The following FBXW10B variants were observed in gnomAD, a reference collection of about 807,000 sequenced individuals.
FBXW10B encodes F-box and WD repeat domain containing 10B.
At chr17:15,594,776 G>A in the FBXW10B span, 195 of 1,613,862 alleles carry the variant, frequency 1.2e-4, 3 homozygotes, top group South Asian at 1.1e-3. Flanking sequence ...ATCAGGCAGC[G>A]CTCGTACTTC....
the FBXW10B span, chr17:15,615,832 A>G: frequency 3.4e-4 from 553 of 1,613,778 alleles, 3 homozygotes; most frequent in African/African-American, 6.4e-3. Flanking sequence ...AGACCAAGAC[A>G]AGGTTGCTCT....
At chr17:15,614,924 C>T in the FBXW10B span, among the ~76,000 whole-genome samples, 52 of 152,290 alleles carry the variant, frequency 3.4e-4, no homozygotes, top group African/African-American at 1.2e-3. Flanking sequence ...GAATCCAATA[C>T]TGCAAAAATA....
chr17:15,603,268 A>ATG, the FBXW10B span, among the ~76,000 whole-genome samples: 1 of 150,272 alleles, frequency 6.7e-6, no homozygotes, highest in African/African-American at 2.4e-5. Flanking sequence ...GGTATTCTCC[A>ATG]GCAGATGGCC....
At chr17:15,569,612 G>T in the FBXW10B span, among the ~76,000 whole-genome samples, 82,847 of 151,016 alleles carry the variant, frequency 0.55, 25,125 homozygotes, top group Non-Finnish European at 0.7. Flanking sequence ...GGTGCCAGTC[G>T]CTGGGCCTAG....
the FBXW10B span, chr17:15,568,882 C>T: frequency 8.1e-7 from 1 of 1,231,644 alleles, no homozygotes; most frequent in Non-Finnish European, 1.0e-6. Context: ...GGAATCTGTG[C>T]CCTCTCACCT....
At chr17:15,605,578 A>C in the FBXW10B span, 29 of 948,902 alleles carry the variant, frequency 3.1e-5, no homozygotes, top group African/African-American at 5.1e-4. Flanking sequence ...TTGAGAATTA[A>C]CAGGCTCTGA....
the FBXW10B span, among the ~76,000 whole-genome samples, chr17:15,593,741 G>A: frequency 1.3e-5 from 2 of 150,846 alleles, no homozygotes; most frequent in Non-Finnish European, 2.9e-5. Flanking sequence ...TGATTCTCCT[G>A]TCTCAGTCTT....
chr17:15,587,349 A>G, the FBXW10B span, among the ~76,000 whole-genome samples: 2 of 151,586 alleles, frequency 1.3e-5, no homozygotes, highest in Non-Finnish European at 2.9e-5. Context: ...TGTAATTTAT[A>G]GTTCTTCTGT....
chr17:15,571,976 G>GT, the FBXW10B span: 1 of 151,926 alleles, frequency 6.6e-6, no homozygotes, highest in Admixed American at 6.6e-5. Flanking sequence ...GTGGGGGGAG[G>GT]GGTGCGGGGG....
At chr17:15,573,226 C>T in the FBXW10B span, 3 of 152,140 alleles carry the variant, frequency 2.0e-5, no homozygotes, top group African/African-American at 7.2e-5. Flanking sequence ...GTGCAGCTCC[C>T]CTGTTCAGTC....
the FBXW10B span, among the ~76,000 whole-genome samples, chr17:15,568,166 T>C: frequency 6.6e-6 from 1 of 152,206 alleles, no homozygotes; most frequent in African/African-American, 2.4e-5. Flanking sequence ...TGGAATCACG[T>C]CGAGGAGAAG....
At chr17:15,596,286 C>T in the FBXW10B span, among the ~76,000 whole-genome samples, 2 of 152,160 alleles carry the variant, frequency 1.3e-5, no homozygotes, top group African/African-American at 2.4e-5. Context: ...ATGCAGCCTT[C>T]CTCTACCAAC....
the FBXW10B span, chr17:15,593,280 A>G: frequency 1.2e-6 from 2 of 1,609,222 alleles, no homozygotes; most frequent in Non-Finnish European, 1.7e-6. Flanking sequence ...GGGAGGAAAA[A>G]AATCAAAAAA....
chr17:15,607,503 G>A, the FBXW10B span: 3 of 1,408,378 alleles, frequency 2.1e-6, no homozygotes, highest in Admixed American at 1.9e-5. Context: ...ACAAAGGTCA[G>A]GGAAATCCCA....
the FBXW10B span, chr17:15,615,570 C>T: frequency 6.3e-7 from 1 of 1,591,430 alleles, no homozygotes; most frequent in African/African-American, 1.3e-5. Flanking sequence ...GCCTCGGCCT[C>T]CCAAAGTGCT....
the FBXW10B span, among the ~76,000 whole-genome samples, chr17:15,567,647 T>C: frequency 2.0e-5 from 3 of 152,052 alleles, no homozygotes; most frequent in African/African-American, 7.2e-5. Context: ...TGAGCTATGA[T>C]TGTACCACTG....
the FBXW10B span, among the ~76,000 whole-genome samples, chr17:15,612,225 G>A: frequency 3.9e-5 from 6 of 151,964 alleles, no homozygotes; most frequent in Admixed American, 2.0e-4. Context: ...AGGAAGTGTC[G>A]GGCTGGGCGC....
At chr17:15,586,363 C>T in the FBXW10B span, among the ~76,000 whole-genome samples, 12,231 of 150,564 alleles carry the variant, frequency 0.081, 1,518 homozygotes, top group African/African-American at 0.25. Flanking sequence ...TCCATCCAAG[C>T]GTTAGCATAA....
the FBXW10B span, among the ~76,000 whole-genome samples, chr17:15,601,841 G>A: frequency 7.2e-4 from 109 of 152,158 alleles, no homozygotes; most frequent in African/African-American, 2.4e-3. Flanking sequence ...GGCCGGGCGC[G>A]GTGGCTCATG....
Sources: gnomAD v4.1 joint callset for allele counts (sites outside exome capture counted in the v4.1 genomes callset) on GRCh38, gnomAD v4.1.1 for gene constraint, MANE v1.5 for transcripts, NCBI Gene and HGNC (gene_info 2026-07-23, HGNC 2026-07-21) for gene names.